SOX5: variants seen among roughly 807,000 people sequenced by gnomAD.
SOX5 encodes the protein transcription factor SOX-5.
SOX5 carries 9 observed loss-of-function variants against 92.0 expected under a neutral mutation model. That is an observed-to-expected ratio of 0.10 (90% CI 0.06 to 0.17). The LOEUF (loss-of-function observed/expected upper bound fraction) is 0.17. Ranked by LOEUF, SOX5 falls within the 10% of genes least tolerant of loss-of-function variation. The pLI, the probability that SOX5 is intolerant of heterozygous loss-of-function variation, is 1.00. For missense variants in SOX5, 642 were observed against 944.5 expected (o/e 0.68, Z 4.20); for synonymous variants, 344 against 336.3 (o/e 1.02, Z -0.25).
At position 23,640,834 on chromosome 12, in the gene SOX5, C is replaced by A; in HGVS notation, c.995G>T (p.Gly332Val). ...TMAAAAAATP[G>V]LGPLQLQQLY... The stretch of plus-strand genomic sequence containing the variant: ...TACCTGCAGTTGGAGTGGGCCTAAG[C>A]CTGGTGTTGCTGCGGCAGCAGCTGC... The change falls in exon 8 of 15, where the codon GGC (glycine) becomes GTC (valine). Residue 332 changes from glycine (G) to valine (V), a missense_variant. By Grantham distance (109) the Gly-to-Val change is moderately radical. Around this residue, in one of 8 missense-constraint regions of SOX5, gnomAD observed 324 missense variants for 461.6 expected, o/e 0.70. Transcript: ENST00000451604. 6.2e-7 allele frequency: 1 copy of A among 1,613,902 alleles called. No homozygotes were observed. The highest frequency in any genetic ancestry group is 8.5e-7 in the Non-Finnish European group (1 of 1,179,812).
intron 13 of SOX5, among the ~76,000 whole-genome samples, chr12:23,541,221 T>C (rs1941971027): frequency 6.6e-6 from 1 of 152,180 alleles, no homozygotes; most frequent in African/African-American, 2.4e-5. Context: ...TTTCCTAAAA[T>C]ATCATTTCTT....
intron 2 of SOX5, among the ~76,000 whole-genome samples, chr12:24,353,192 CGCTGTGTCAATGT>C (rs1954329822): frequency 1.3e-5 from 2 of 152,156 alleles, no homozygotes; most frequent in African/African-American, 2.4e-5. Flanking sequence ...ATTGCCAGGA[CGCTGTGTCAATGT>C]GCTGTGTCAA....
At chr12:23,669,274 G>T (rs2084362942) in intron 6 of SOX5, among the ~76,000 whole-genome samples, 1 of 152,076 alleles carries the variant, frequency 6.6e-6, no homozygotes, top group Non-Finnish European at 1.5e-5. Flanking sequence ...GTCACTAAAG[G>T]CCCTGTGAAA....
At chr12:24,301,788 A>C (rs1947986359) in intron 2 of SOX5, among the ~76,000 whole-genome samples, 1 of 152,192 alleles carries the variant, frequency 6.6e-6, no homozygotes, top group Non-Finnish European at 1.5e-5. Flanking sequence ...CCCTGGCTGC[A>C]GGAAGTCAAT....
At chr12:24,292,750 T>A (rs959558760) in intron 2 of SOX5, among the ~76,000 whole-genome samples, 3 of 152,228 alleles carry the variant, frequency 2.0e-5, no homozygotes, top group Non-Finnish European at 4.4e-5. Flanking sequence ...TCAGACTGTA[T>A]CAAGTTTGAG....
chr12:24,211,739 G>C (rs1958637748), intron 4 of SOX5, among the ~76,000 whole-genome samples: 1 of 152,172 alleles, frequency 6.6e-6, no homozygotes, highest in South Asian at 2.1e-4. Flanking sequence ...TGTGACAGAG[G>C]AGAGTTATTT....
intron 4 of SOX5, among the ~76,000 whole-genome samples, chr12:23,980,634 A>C (rs533214978): frequency 6.6e-6 from 1 of 152,108 alleles, no homozygotes; most frequent in Non-Finnish European, 1.5e-5. Context: ...GTATATTCCC[A>C]TTTGGCATTT....
chr12:24,134,226 A>G (rs1049304266), intron 4 of SOX5, among the ~76,000 whole-genome samples: 3 of 152,162 alleles, frequency 2.0e-5, no homozygotes, highest in Non-Finnish European at 4.4e-5. Flanking sequence ...GGGTTGTGTT[A>G]GTGGGTTCAT....
At chr12:24,510,855 T>G (rs1426113665) in intron 1 of SOX5, among the ~76,000 whole-genome samples, 1 of 152,150 alleles carries the variant, frequency 6.6e-6, no homozygotes, top group Non-Finnish European at 1.5e-5. Flanking sequence ...CCCCAGGATA[T>G]GAGTACCCAC....
chr12:23,667,453 T>C (rs1158096192), intron 6 of SOX5, among the ~76,000 whole-genome samples: 6 of 152,172 alleles, frequency 3.9e-5, no homozygotes, highest in Admixed American at 3.9e-4. Context: ...TGTTTTAGTA[T>C]TATAATTTGT....
chr12:24,244,879 C>T (rs373652236), intron 3 of SOX5, among the ~76,000 whole-genome samples: 64 of 152,116 alleles, frequency 4.2e-4, no homozygotes, highest in African/African-American at 8.2e-4. Flanking sequence ...TTAGTAGAGA[C>T]GGGGTTTCAT....
intron 2 of SOX5, among the ~76,000 whole-genome samples, chr12:23,881,871 A>AG (rs894082480): frequency 1.5e-4 from 23 of 152,200 alleles, no homozygotes; most frequent in African/African-American, 5.3e-4. Context: ...CATATGAAAA[A>AG]GGGGGGGAAA....
At chr12:23,884,002 A>C (rs1274967053) in intron 2 of SOX5, among the ~76,000 whole-genome samples, 1 of 151,900 alleles carries the variant, frequency 6.6e-6, no homozygotes, top group Non-Finnish European at 1.5e-5. Flanking sequence ...GTTTTCTTAT[A>C]GGTTACTTAA....
intron 7 of SOX5, among the ~76,000 whole-genome samples, chr12:23,649,756 A>C (rs10505900): frequency 0.15 from 22,739 of 152,098 alleles, 2,179 homozygotes; most frequent in South Asian, 0.26. Flanking sequence ...ATAGTTGTGC[A>C]TATTTAGATA....
chr12:23,535,738 T>G (rs1448962157), intron 14 of SOX5, among the ~76,000 whole-genome samples: 1 of 152,236 alleles, frequency 6.6e-6, no homozygotes, highest in African/African-American at 2.4e-5. Flanking sequence ...AGTCCTTCTC[T>G]GCCCATATTT....
At chr12:24,192,671 A>G (rs915958699) in intron 4 of SOX5, among the ~76,000 whole-genome samples, 2 of 152,210 alleles carry the variant, frequency 1.3e-5, no homozygotes, top group Admixed American at 1.3e-4. Context: ...TCAATGGGAG[A>G]AAAGACAATT....
At chr12:23,796,621 A>G (rs982958504) in intron 3 of SOX5, among the ~76,000 whole-genome samples, 8 of 151,944 alleles carry the variant, frequency 5.3e-5, no homozygotes, top group African/African-American at 1.9e-4. Flanking sequence ...TAAATTCTCA[A>G]ACTGTGTTTA....
intron 1 of SOX5, among the ~76,000 whole-genome samples, chr12:23,928,535 A>G (rs1940606859): frequency 1.3e-5 from 2 of 151,994 alleles, no homozygotes; most frequent in South Asian, 4.1e-4. Flanking sequence ...AAGCTGAAAT[A>G]CATAAACTAT....
chr12:23,909,414 C>A (rs2097326905), intron 1 of SOX5, among the ~76,000 whole-genome samples: 1 of 152,132 alleles, frequency 6.6e-6, no homozygotes. Flanking sequence ...AGAAATTTTA[C>A]TGATTAGCAC....
Sources: gnomAD v4.1 joint callset for allele counts (sites outside exome capture counted in the v4.1 genomes callset) on GRCh38, gnomAD v4.1.1 for gene constraint, gnomAD v4.1.1 regional missense constraint, MANE v1.5 for transcripts, NCBI Gene and HGNC (gene_info 2026-07-23, HGNC 2026-07-21) for gene names.